The following CRB1 variants were observed in gnomAD, a reference collection of about 807,000 sequenced individuals.
The protein encoded by CRB1 is crumbs cell polarity complex component 1.
Under a neutral mutation model 120.0 loss-of-function variants are expected in CRB1, and 83 were observed. The ratio of observed to expected loss-of-function variants is 0.69; its 90% CI spans 0.58 to 0.83. The LOEUF (loss-of-function observed/expected upper bound fraction) is 0.83, where lower values mean the gene tolerates loss of function less well. Ranked by LOEUF, CRB1 falls within the 40% of genes least tolerant of loss-of-function variation. The pLI is 0.00. For missense variants in CRB1, 1,699 were observed against 1,687.6 expected, an observed-to-expected ratio of 1.01 and a Z score of -0.12; for synonymous variants, 625 against 612.5, an observed-to-expected ratio of 1.02 and a Z score of -0.30.
intron 6 of CRB1, 47 bp downstream of exon 6, chr1:197,422,003 C>G: frequency 6.3e-7 from 1 of 1,581,098 alleles, no homozygotes; most frequent in Non-Finnish European, 8.6e-7. Context: ...TGCCTCAGAG[C>G]AGAGCAGAAA....
chr1:197,218,937 C>T, the CRB1 span, among the ~76,000 whole-genome samples: 1 of 152,114 alleles, frequency 6.6e-6, no homozygotes, highest in Non-Finnish European at 1.5e-5. Flanking sequence ...ACAGATTTAT[C>T]ATAGCAGCAA....
At chr1:197,343,378 T>C (rs1178805941) in intron 2 of CRB1, among the ~76,000 whole-genome samples, 2 of 152,182 alleles carry the variant, frequency 1.3e-5, no homozygotes, top group Non-Finnish European at 2.9e-5. Context: ...TTTTGGCACT[T>C]AATAAAATAG....
At chr1:197,360,174 C>G (rs1048338048) in intron 5 of CRB1, among the ~76,000 whole-genome samples, 9 of 152,228 alleles carry the variant, frequency 5.9e-5, no homozygotes, top group African/African-American at 2.2e-4. Flanking sequence ...TAGAACACTT[C>G]CTTCCCAAGA....
the CRB1 span, among the ~76,000 whole-genome samples, chr1:197,241,358 A>G: frequency 5.3e-5 from 8 of 152,178 alleles, no homozygotes; most frequent in African/African-American, 1.9e-4. Context: ...TCTTTAATCC[A>G]TCTTGAGTTA....
At chr1:197,346,141 AT>A (rs1659759882) in intron 3 of CRB1, among the ~76,000 whole-genome samples, 1 of 152,262 alleles carries the variant, frequency 6.6e-6, no homozygotes, top group African/African-American at 2.4e-5. Flanking sequence ...TCACTTGAAT[AT>A]GCCATGAATA....
intron 1 of CRB1, among the ~76,000 whole-genome samples, chr1:197,296,640 T>C (rs1656538682): frequency 6.6e-6 from 1 of 152,084 alleles, no homozygotes; most frequent in African/African-American, 2.4e-5. Context: ...GGTAACCAAG[T>C]TGATATGGTT....
intron 11 of CRB1, among the ~76,000 whole-genome samples, chr1:197,446,648 G>A (rs545385066): frequency 8.5e-5 from 13 of 152,248 alleles, no homozygotes; most frequent in African/African-American, 3.1e-4. Flanking sequence ...AGGCAAGACT[G>A]GACCCAGAAA....
intron 11 of CRB1, among the ~76,000 whole-genome samples, chr1:197,470,070 C>T (rs1036242359): frequency 6.6e-6 from 1 of 152,164 alleles, no homozygotes; most frequent in African/African-American, 2.4e-5. Flanking sequence ...GGAAGAAGCT[C>T]TGTGTTGATA....
intron 11 of CRB1, among the ~76,000 whole-genome samples, chr1:197,460,011 T>TTTTTC (rs1321812966): frequency 6.8e-6 from 1 of 146,570 alleles, no homozygotes; most frequent in Non-Finnish European, 1.5e-5. Flanking sequence ...CTTTTTTTTT[T>TTTTTC]TTTTTTTTTT....
At chr1:197,468,869 A>G (rs1377345485) in intron 11 of CRB1, among the ~76,000 whole-genome samples, 2 of 152,224 alleles carry the variant, frequency 1.3e-5, no homozygotes, top group Non-Finnish European at 2.9e-5. Flanking sequence ...TATCTTTTAA[A>G]AAGAGGAGAG....
chr1:197,438,472 T>C (rs928603494), intron 9 of CRB1, 75 bp from the exon 10 acceptor site: 3 of 1,578,550 alleles, frequency 1.9e-6, no homozygotes, highest in Non-Finnish European at 2.6e-6. Flanking sequence ...ACTACATACA[T>C]GAATTTATCA....
chr1:197,453,867 AT>A (rs1666125081), intron 11 of CRB1, among the ~76,000 whole-genome samples: 6 of 138,506 alleles, frequency 4.3e-5, no homozygotes, highest in African/African-American at 1.3e-4. Context: ...ATATATTAAT[AT>A]TATTAATAAT....
chr1:197,358,536 A>T (rs761233211), intron 5 of CRB1, among the ~76,000 whole-genome samples: 1 of 152,192 alleles, frequency 6.6e-6, no homozygotes, highest in East Asian at 1.9e-4. Flanking sequence ...GACTGCCCCA[A>T]ATCTCTGTGG....
At chr1:197,440,762 T>C (rs1665395340) in intron 10 of CRB1, 1 of 152,198 alleles carries the variant, frequency 6.6e-6, no homozygotes, top group Non-Finnish European at 1.5e-5. Context: ...TTGGCTTCTC[T>C]CCTGCCTTGG....
At chr1:197,203,649 T>C in the CRB1 span, among the ~76,000 whole-genome samples, 1 of 152,204 alleles carries the variant, frequency 6.6e-6, no homozygotes, top group South Asian at 2.1e-4. Context: ...ATAGAGGCCT[T>C]ACCTAGGAGA....
chr1:197,472,972 T>C (rs6664766), intron 11 of CRB1, among the ~76,000 whole-genome samples: 143,293 of 152,232 alleles, frequency 0.94, 68,087 homozygotes, highest in East Asian at 1. Flanking sequence ...CTGTAATTCT[T>C]AGAACAATTC....
intron 5 of CRB1, among the ~76,000 whole-genome samples, chr1:197,387,986 A>ATCTC (rs200901704): frequency 3.3e-5 from 5 of 151,066 alleles, no homozygotes; most frequent in African/African-American, 1.2e-4. Flanking sequence ...GTGTAAACTC[A>ATCTC]TCTCTCTCTC....
At chr1:197,202,140 C>A in the CRB1 span, among the ~76,000 whole-genome samples, 5 of 152,042 alleles carry the variant, frequency 3.3e-5, no homozygotes, top group African/African-American at 1.2e-4. Context: ...TAATTTTCTT[C>A]CCCCACCCTC....
intron 1 of CRB1, among the ~76,000 whole-genome samples, chr1:197,291,318 G>C (rs974685069): frequency 6.6e-6 from 1 of 151,778 alleles, no homozygotes. Context: ...ATTCAACACT[G>C]TGGGATAATA....
Sources: allele counts gnomAD v4.1 joint callset (sites outside exome capture counted in the v4.1 genomes callset), GRCh38; gene constraint gnomAD v4.1.1; transcripts MANE v1.5; gene names NCBI Gene and HGNC (gene_info 2026-07-23, HGNC 2026-07-21).